The following FARP1 variants were observed in gnomAD, a reference collection of about 807,000 sequenced individuals.
FARP1 encodes FERM, ARHGEF and pleckstrin domain-containing protein 1.
FARP1 carries 52 observed loss-of-function variants against 128.8 expected under a neutral mutation model. That is an observed-to-expected ratio of 0.40 (90% CI 0.32 to 0.51). FARP1 has a LOEUF of 0.51. Among genes scored for constraint, FARP1 ranks in the 20% least tolerant of loss-of-function variants. FARP1 has a pLI of 0.45. For synonymous variants in FARP1, 580 were observed against 551.8 expected, an observed-to-expected ratio of 1.05 and a Z score of -0.72; for missense variants, 1,333 against 1,367.9, an observed-to-expected ratio of 0.97 and a Z score of 0.40.
intron 2 of FARP1, among the ~76,000 whole-genome samples, chr13:98,276,907 C>G (rs1324456156): frequency 6.6e-6 from 1 of 151,292 alleles, no homozygotes; most frequent in Non-Finnish European, 1.5e-5. Flanking sequence ...AGGGGAAGAC[C>G]ACAATAGCTG....
At chr13:98,183,524 C>T (rs7335294) in intron 1 of FARP1, among the ~76,000 whole-genome samples, 60,048 of 151,956 alleles carry the variant, frequency 0.4, 12,229 homozygotes, top group Non-Finnish European at 0.44. Flanking sequence ...TAAGGGTCCA[C>T]GCTTGGACGA....
chr13:98,224,234 A>G (rs1334203811), intron 2 of FARP1, among the ~76,000 whole-genome samples: 1 of 152,190 alleles, frequency 6.6e-6, no homozygotes, highest in Non-Finnish European at 1.5e-5. Context: ...GGCTTAAAAA[A>G]TAGGCAGTTA....
At chr13:98,213,559 C>A (rs1880867092) in intron 2 of FARP1, 146 bp downstream of exon 2, 2 of 778,820 alleles carry the variant, frequency 2.6e-6, no homozygotes, top group Non-Finnish European at 4.1e-6. Context: ...CCCCAATGGC[C>A]CCGCTGACCC....
At chr13:98,393,610 C>G (rs760024647) in intron 11 of FARP1, 33 bp from the exon 12 acceptor site, 19 of 1,577,266 alleles carry the variant, frequency 1.2e-5, no homozygotes, top group Non-Finnish European at 1.6e-5. Flanking sequence ...AAAACCTCAC[C>G]TAACTTTAAT....
At position 98,292,725 on chromosome 13, in the gene FARP1, T is replaced by C. The variant is rs75692190; in HGVS notation, c.172-51037T>C. 1.4e-3 allele frequency among the ~76,000 whole-genome samples: 207 copies of C among 152,238 alleles called. 5 individuals carry two copies. The East Asian group carries it at 0.033, about 24-fold the overall frequency. ...ATAAATTATCATACATGTCACTCAT[T>C]GTTGTCCAGCCCAAAGCCTGAGGGT... is the stretch of plus-strand genomic sequence containing the variant. On this transcript the variant is annotated intron_variant, in intron 2 of 26. Transcript: ENST00000319562.
intron 1 of FARP1, among the ~76,000 whole-genome samples, chr13:98,210,742 G>A (rs1343956047): frequency 6.6e-6 from 1 of 151,952 alleles, no homozygotes; most frequent in Non-Finnish European, 1.5e-5. Flanking sequence ...GTAGAGACGG[G>A]GTTTCACCAT....
chr13:98,226,935 C>G (rs1881812485), intron 2 of FARP1, among the ~76,000 whole-genome samples: 1 of 151,704 alleles, frequency 6.6e-6, no homozygotes, highest in African/African-American at 2.4e-5. Flanking sequence ...TGTTGCATTT[C>G]TTTCTTTCTT....
At chr13:98,270,340 C>T (rs900150061) in intron 2 of FARP1, among the ~76,000 whole-genome samples, 1 of 151,930 alleles carries the variant, frequency 6.6e-6, no homozygotes, top group African/African-American at 2.4e-5. Flanking sequence ...AGTAGTATAT[C>T]CGTCAAAAGG....
At chr13:98,243,955 AAAT>A (rs1395447498) in intron 2 of FARP1, among the ~76,000 whole-genome samples, 1 of 152,154 alleles carries the variant, frequency 6.6e-6, no homozygotes, top group East Asian at 1.9e-4. Context: ...TGCTATTACA[AAAT>A]AATTACAAAG....
chr13:98,210,698 C>T (rs550209660), intron 1 of FARP1, among the ~76,000 whole-genome samples: 6 of 152,092 alleles, frequency 3.9e-5, no homozygotes, highest in East Asian at 1.9e-4. Flanking sequence ...TACAGGCGCC[C>T]GCCACCACGC....
intron 2 of FARP1, among the ~76,000 whole-genome samples, chr13:98,243,932 G>A (rs1204991366): frequency 6.6e-6 from 1 of 151,962 alleles, no homozygotes; most frequent in Non-Finnish European, 1.5e-5. Flanking sequence ...TTTAAAATAT[G>A]TGAAACTCAT....
chr13:98,306,682 CTT>C (rs10605968), intron 2 of FARP1, among the ~76,000 whole-genome samples: 3 of 151,078 alleles, frequency 2.0e-5, no homozygotes, highest in African/African-American at 7.3e-5. Context: ...ACCCGGCTAA[CTT>C]TTTTTTTTAT....
intron 2 of FARP1, among the ~76,000 whole-genome samples, chr13:98,342,405 A>G (rs1888008768): frequency 6.6e-6 from 1 of 152,252 alleles, no homozygotes; most frequent in Admixed American, 6.5e-5. Context: ...CCACAGTAAA[A>G]ATAAACAAAC....
chr13:98,448,387 A>G lies in FARP1; in HGVS notation c.*70A>G. Reference sequence around the variant, plus strand: ...CGTTTCCTTTCTTCTGTATTAATGAAGCCTGGTAAAATTAACACCTGTCTG... The same window carrying G: ...CGTTTCCTTTCTTCTGTATTAATGAGGCCTGGTAAAATTAACACCTGTCTG... On this transcript the variant is annotated 3_prime_UTR_variant, in exon 27 of 27. Coordinates refer to ENST00000319562, the MANE Select transcript of FARP1 (RefSeq NM_005766.4). The G allele has an allele frequency of 8.1e-7, 1 of 1,232,250 alleles. No homozygotes were observed. The highest frequency in any genetic ancestry group is 1.7e-5 in the Admixed American group (1 of 58,274). 76.3% of individuals were successfully genotyped at this position (1,232,250 alleles called of 1,614,324 possible). A position where few individuals can be genotyped will look rare whatever the true frequency, so the allele number is the denominator to read the frequency against.
rs148903397 is a variant in FARP1, at chr13:98,183,896, C to T, written c.-23-29324C>T. Among the ~76,000 whole-genome samples the T allele has an allele frequency of 1.9e-3, 285 of 152,226 alleles. 1 individual carries two copies. Among genetic ancestry groups the T allele is most frequent in the African/African-American group, 6.2e-3 (256 of 41,548 alleles). ...CTCTCACAGCCAGTCCCCTTAGCGC[C>T]CTGGCTCTCTGAGGCTTGACATATG... is the stretch of plus-strand genomic sequence containing the variant. On this transcript the variant is annotated intron_variant, in intron 1 of 26. Transcript: ENST00000319562.
intron 2 of FARP1, among the ~76,000 whole-genome samples, chr13:98,224,278 A>G (rs1298294642): frequency 6.6e-6 from 1 of 152,160 alleles, no homozygotes; most frequent in Non-Finnish European, 1.5e-5. Context: ...CTGTAATCCC[A>G]GCACTTTGGG....
chr13:98,440,107 G>A lies in FARP1; in HGVS notation c.2517-16G>A, dbSNP rs767881781. 13 of 1,610,578 alleles carry A rather than the reference G, an allele frequency of 8.1e-6. No homozygotes were observed. Among genetic ancestry groups the A allele is most frequent in the Middle Eastern group, 1.6e-4 (1 of 6,078 alleles). On this transcript the variant is annotated splice_polypyrimidine_tract_variant and intron_variant, in intron 22 of 26. Coordinates refer to ENST00000319562, the MANE Select transcript of FARP1 (RefSeq NM_005766.4). ...ATGTGCTGTGGCCTGAACACCTGAC[G>A]CGTCTCTGTCTCCAGTTCTCGGTCC... is the stretch of plus-strand genomic sequence containing the variant.
At chr13:98,222,794 A>ATTTTTTTT (rs34198874) in intron 2 of FARP1, among the ~76,000 whole-genome samples, 1 of 124,800 alleles carries the variant, frequency 8.0e-6, no homozygotes, top group Non-Finnish European at 1.6e-5. Flanking sequence ...TGCCCAGCTA[A>ATTTTTTTT]TTTTTTTTTT....
chr13:98,256,394 GA>G (rs1458926551), intron 2 of FARP1, among the ~76,000 whole-genome samples: 1 of 152,082 alleles, frequency 6.6e-6, no homozygotes, highest in Non-Finnish European at 1.5e-5. Context: ...GGGGAGAGGG[GA>G]AAATGGGAGT....
Sources: allele counts gnomAD v4.1 joint callset (sites outside exome capture counted in the v4.1 genomes callset), GRCh38; gene constraint gnomAD v4.1.1; transcripts MANE v1.5; gene names NCBI Gene and HGNC (gene_info 2026-07-23, HGNC 2026-07-21).